The following CDH13 variants were observed in gnomAD, a reference collection of about 807,000 sequenced individuals.
The protein encoded by CDH13 is cadherin-13.
Under a neutral mutation model 63.8 loss-of-function variants are expected in CDH13, and 24 were observed. The ratio of observed to expected loss-of-function variants is 0.38; its 90% CI spans 0.27 to 0.53. CDH13 has a LOEUF of 0.53. Ranked by LOEUF, CDH13 falls within the 20% of genes least tolerant of loss-of-function variation. CDH13 has a pLI of 0.85. For synonymous variants in CDH13, 503 were observed against 355.3 expected (o/e 1.42, Z -4.67); for missense variants, 1,049 against 903.1 (o/e 1.16, Z -2.07).
chr16:83,256,139 G>A (rs1906231486), intron 5 of CDH13, among the ~76,000 whole-genome samples: 1 of 152,080 alleles, frequency 6.6e-6, no homozygotes, highest in Non-Finnish European at 1.5e-5. Flanking sequence ...GCTGAAGTGA[G>A]CCTCCCACAT....
At chr16:82,880,443 C>T (rs1180939265) in intron 2 of CDH13, among the ~76,000 whole-genome samples, 2 of 152,174 alleles carry the variant, frequency 1.3e-5, no homozygotes, top group Non-Finnish European at 2.9e-5. Flanking sequence ...CTAATTCATA[C>T]TGAGCACATA....
chr16:83,736,444 A>T lies in CDH13; in HGVS notation c.1539-11664A>T, dbSNP rs556912298. 8.5e-5 allele frequency among the ~76,000 whole-genome samples: 13 copies of T among 152,316 alleles called. No homozygotes were observed. In the South Asian group the frequency reaches 2.7e-3, roughly 32 times the overall value. ...ATGATATTGTTAAATTTGTGGCTTT[A>T]TACCCTGAATCTCTTTGTCTGTATT... On this transcript the variant is annotated intron_variant, in intron 10 of 13. Coordinates refer to ENST00000567109, the MANE Select transcript of CDH13 (RefSeq NM_001257.5).
chr16:83,216,417 T>TATATATATAC (rs2039519968), intron 4 of CDH13, among the ~76,000 whole-genome samples: 2 of 92,558 alleles, frequency 2.2e-5, no homozygotes, highest in Non-Finnish European at 4.4e-5. Flanking sequence ...TATATATATA[T>TATATATATAC]ATATATATAT....
intron 4 of CDH13, among the ~76,000 whole-genome samples, chr16:83,151,976 A>C (rs1429486016): frequency 6.6e-6 from 1 of 152,120 alleles, no homozygotes; most frequent in African/African-American, 2.4e-5. Flanking sequence ...AAAAAAAAGA[A>C]AGTAAATCAC....
At chr16:83,157,165 A>T (rs72800233) in intron 4 of CDH13, among the ~76,000 whole-genome samples, 5,928 of 152,190 alleles carry the variant, frequency 0.039, 181 homozygotes, top group Non-Finnish European at 0.051. Flanking sequence ...ATTAATTTTG[A>T]TTCTTAGTTA....
intron 6 of CDH13, among the ~76,000 whole-genome samples, chr16:83,435,653 C>G (rs2072273284): frequency 1.3e-5 from 2 of 152,180 alleles, no homozygotes; most frequent in Non-Finnish European, 2.9e-5. Context: ...TTTCCCTGTA[C>G]CTCACATCTA....
At chr16:82,731,042 C>G (rs2033374640) in intron 1 of CDH13, among the ~76,000 whole-genome samples, 1 of 152,198 alleles carries the variant, frequency 6.6e-6, no homozygotes, top group African/African-American at 2.4e-5. Flanking sequence ...TGGGGAACAG[C>G]TGCTCATAGC....
intron 1 of CDH13, among the ~76,000 whole-genome samples, chr16:82,627,821 G>T (rs952409282): frequency 2.0e-5 from 3 of 152,172 alleles, no homozygotes; most frequent in South Asian, 2.1e-4. Context: ...CAGGGCGCAG[G>T]CCCCAGCCCC....
intron 6 of CDH13, among the ~76,000 whole-genome samples, chr16:83,437,987 C>T (rs8054500): frequency 0.073 from 11,151 of 152,180 alleles, 485 homozygotes; most frequent in African/African-American, 0.11. Context: ...CTCCCATGTG[C>T]ATGCTCCTAT....
rs542548425 is a variant in CDH13, at chr16:82,992,292, G to A, written c.158-39718G>A. ...TGAAATCAGCAGCTCTCAAATTTTC[G>A]TGGGCATCAGAATCACCAAGGATGT... On this transcript the variant is annotated intron_variant, in intron 2 of 13. Coordinates refer to ENST00000567109, the MANE Select transcript of CDH13 (RefSeq NM_001257.5). 2.4e-3 allele frequency among the ~76,000 whole-genome samples: 360 copies of A among 152,212 alleles called. 3 individuals are homozygous for A. The highest frequency in any genetic ancestry group is 3.6e-3 in the Non-Finnish European group (242 of 68,028).
chr16:83,333,422 G>T (rs1364297), intron 5 of CDH13, among the ~76,000 whole-genome samples: 363 of 152,140 alleles, frequency 2.4e-3, no homozygotes, highest in Non-Finnish European at 4.3e-3. Context: ...GGGGATGATT[G>T]GCACCTCTCT....
intron 6 of CDH13, among the ~76,000 whole-genome samples, chr16:83,481,618 C>T (rs1401907624): frequency 6.6e-6 from 1 of 152,202 alleles, no homozygotes; most frequent in African/African-American, 2.4e-5. Flanking sequence ...GGCTGGCGGC[C>T]GTGTCCTTCG....
chr16:83,134,668 C>G (rs1277980804), intron 4 of CDH13, among the ~76,000 whole-genome samples: 1 of 151,784 alleles, frequency 6.6e-6, no homozygotes, highest in Non-Finnish European at 1.5e-5. Context: ...TGAAAACACT[C>G]ATAACTTTTA....
intron 2 of CDH13, among the ~76,000 whole-genome samples, chr16:82,966,945 G>A (rs1567702301): frequency 2.0e-5 from 3 of 152,050 alleles, no homozygotes; most frequent in Admixed American, 1.3e-4. Context: ...CCGCACTAAT[G>A]TTTTTTTATT....
chr16:83,136,064 A>G (rs1352733779), intron 4 of CDH13, among the ~76,000 whole-genome samples: 1 of 152,026 alleles, frequency 6.6e-6, no homozygotes, highest in African/African-American at 2.4e-5. Context: ...TGTAAACAGG[A>G]TGCCGTGTAT....
chr16:83,705,508 G>C (rs1241584130), intron 10 of CDH13, among the ~76,000 whole-genome samples: 2 of 152,072 alleles, frequency 1.3e-5, no homozygotes, highest in Non-Finnish European at 2.9e-5. Context: ...TGTAGTCCCA[G>C]CTACTCGGGA....
At chr16:83,371,066 A>G (rs1174562898) in intron 6 of CDH13, among the ~76,000 whole-genome samples, 1 of 152,212 alleles carries the variant, frequency 6.6e-6, no homozygotes, top group Non-Finnish European at 1.5e-5. Context: ...AAAAAAAGGG[A>G]ACATTTTTAC....
intron 10 of CDH13, among the ~76,000 whole-genome samples, chr16:83,727,569 G>T (rs147795684): frequency 8.2e-4 from 124 of 151,804 alleles, no homozygotes; most frequent in African/African-American, 2.8e-3. Context: ...CAACCTTCCC[G>T]CATTGAGAAA....
chr16:83,388,593 G>T (rs577628977), intron 6 of CDH13, among the ~76,000 whole-genome samples: 1 of 152,260 alleles, frequency 6.6e-6, no homozygotes, highest in East Asian at 1.9e-4. Flanking sequence ...ACACCCTATT[G>T]CCTTGCACTC....
Sources: gnomAD v4.1 joint callset for allele counts (sites outside exome capture counted in the v4.1 genomes callset) on GRCh38, gnomAD v4.1.1 for gene constraint, MANE v1.5 for transcripts, NCBI Gene and HGNC (gene_info 2026-07-23, HGNC 2026-07-21) for gene names.